ZBTB41: variants seen among roughly 807,000 people sequenced by gnomAD.
ZBTB41 encodes the protein zinc finger and BTB domain-containing protein 41.
Under a neutral mutation model 87.6 loss-of-function variants are expected in ZBTB41, and 42 were observed. The ratio of observed to expected loss-of-function variants is 0.48; its 90% CI spans 0.37 to 0.62. The LOEUF (loss-of-function observed/expected upper bound fraction) is 0.62, where lower values mean the gene tolerates loss of function less well. ZBTB41 is among the 20% of genes least tolerant of loss of function. The pLI is 0.00. For missense variants in ZBTB41, 799 were observed against 1,078.9 expected, an observed-to-expected ratio of 0.74 and a Z score of 3.63; for synonymous variants, 364 against 364.0, an observed-to-expected ratio of 1.00 and a Z score of 0.00.
chr1:197,199,328 A>C lies in ZBTB41; in HGVS notation c.1120+26T>G. On this transcript the variant is annotated intron_variant, in intron 2 of 10. Coordinates refer to ENST00000367405, the MANE Select transcript of ZBTB41 (RefSeq NM_194314.3). ...ATCCAAGAAAAGTAAGTGATTAGAG[A>C]TAGAAAACCAGTTTTCTTTTCTTAC... 2.0e-6 allele frequency: 3 copies of C among 1,471,450 alleles called. No individual in the cohort carries two copies. In the South Asian group the frequency reaches 4.8e-5, roughly 23 times the overall value. The allele number at this position is 1,471,450 out of a possible 1,614,324, so 91.1% of individuals were successfully genotyped here.
rs762751486 is a variant in ZBTB41 at position 197,200,016 on chromosome 1, T to C, written c.458A>G (p.Tyr153Cys). 6.2e-7 allele frequency: 1 copy of C among 1,613,202 alleles called. No individual in the cohort carries two copies. The highest frequency in any genetic ancestry group is 8.5e-7 in the Non-Finnish European group (1 of 1,179,860). Residue 153 changes from tyrosine (Y) to cysteine (C), a missense_variant, in exon 2 of 11, where the codon TAT becomes TGT. By Grantham distance (194) the Tyr-to-Cys change is radical. Transcript: ENST00000367405. ...LYTSEFFVYK[Y>C]EIPLVLEAAK... ...AGCCTCTAAAACAAGAGGTATTTCA[T>C]ATTTGTACACAAAAAATTCTGATGT...
chr1:197,175,852 T>C (rs147801469), intron 8 of ZBTB41: 6 of 152,068 alleles, frequency 3.9e-5, no homozygotes, highest in South Asian at 2.1e-4. Context: ...ACCTATCTCA[T>C]TGAGATCATC....
intron 2 of ZBTB41, among the ~76,000 whole-genome samples, 163 bp from the exon 3 acceptor site, chr1:197,192,062 C>T (rs990115192): frequency 1.3e-5 from 2 of 151,930 alleles, no homozygotes; most frequent in Non-Finnish European, 2.9e-5. Flanking sequence ...CTCTGATAAA[C>T]CTAATGACTT....
At chr1:197,161,184 G>A (rs915414790) in intron 10 of ZBTB41, among the ~76,000 whole-genome samples, 1 of 152,024 alleles carries the variant, frequency 6.6e-6, no homozygotes, top group African/African-American at 2.4e-5. Flanking sequence ...GAACTATACG[G>A]TAATAAATTT....
intron 5 of ZBTB41, 146 bp downstream of exon 5, chr1:197,188,146 C>A (rs1372253700): frequency 3.7e-6 from 3 of 810,002 alleles, no homozygotes; most frequent in Non-Finnish European, 5.8e-6. Context: ...ATATCTATTC[C>A]TTCCTCTCAA....
chr1:197,194,919 G>C (rs757705126), intron 2 of ZBTB41, among the ~76,000 whole-genome samples: 3 of 152,130 alleles, frequency 2.0e-5, no homozygotes, highest in Non-Finnish European at 2.9e-5. Flanking sequence ...GATCTCTACA[G>C]ACTAGTGGGA....
chr1:197,194,541 T>C (rs1660113861), intron 2 of ZBTB41, among the ~76,000 whole-genome samples: 1 of 150,624 alleles, frequency 6.6e-6, no homozygotes, highest in Non-Finnish European at 1.5e-5. Flanking sequence ...AAATGGCAGT[T>C]ATATTAAAAA....
rs1218967967 is a variant in ZBTB41, at chr1:197,156,456, T to TA, written c.*2902dup. The TA allele has an allele frequency of 6.6e-6, 1 of 152,114 alleles. No individual in the cohort carries two copies. Among genetic ancestry groups the TA allele is most frequent in the Non-Finnish European group, 1.5e-5 (1 of 67,710 alleles). The allele number at this position is 152,114 out of a possible 1,614,324, so 9.4% of individuals were successfully genotyped here. A position where few individuals can be genotyped will look rare whatever the true frequency, so the allele number is the denominator to read the frequency against. On this transcript the variant is annotated 3_prime_UTR_variant, in exon 11 of 11. Transcript: ENST00000367405. ...AAAACAATAAATTATGCTCACAAAATAAAAAAATTCTGAATGAGGCTAAAC... is the reference window on the plus strand; with the variant it reads ...AAAACAATAAATTATGCTCACAAAATAAAAAAAATTCTGAATGAGGCTAAAC...
intron 2 of ZBTB41, among the ~76,000 whole-genome samples, chr1:197,196,202 C>T (rs1660157716): frequency 6.6e-6 from 1 of 152,100 alleles, no homozygotes; most frequent in Non-Finnish European, 1.5e-5. Flanking sequence ...TTTTAAAATT[C>T]TACGAAAGGA....
chr1:197,196,719 T>C (rs1660172261), intron 2 of ZBTB41, among the ~76,000 whole-genome samples: 1 of 152,194 alleles, frequency 6.6e-6, no homozygotes, highest in Non-Finnish European at 1.5e-5. Flanking sequence ...TGACCACCAC[T>C]TTCTTGCCCA....
Position 197,154,939 on chromosome 1 carries a change from A to T in ZBTB41, c.*4420T>A, listed in dbSNP as rs1357416935. ...AAATACAACCTTCTTTAAAGTCCTA[A>T]TTTTTCCTGAGTTGATCAACTCATT... On this transcript the variant is annotated 3_prime_UTR_variant, in exon 11 of 11. Transcript: ENST00000367405. 6.6e-6 allele frequency: 1 copy of T among 152,294 alleles called. No individual in the cohort carries two copies. Among genetic ancestry groups the T allele is most frequent in the Non-Finnish European group, 1.5e-5 (1 of 67,844 alleles). 9.4% of individuals were successfully genotyped at this position (152,294 alleles called of 1,614,324 possible). A position where few individuals can be genotyped will look rare whatever the true frequency, so the allele number is the denominator to read the frequency against.
At chr1:197,178,156 T>C (rs1659657380) in intron 7 of ZBTB41, among the ~76,000 whole-genome samples, 1 of 151,898 alleles carries the variant, frequency 6.6e-6, no homozygotes, top group Admixed American at 6.6e-5. Context: ...AGAAAAGTAA[T>C]GAAATAAATA....
rs1322284724 is a variant in ZBTB41, at chr1:197,200,678, AT to A, written c.-117-89del. The A allele has an allele frequency of 3.0e-5, 14 of 473,806 alleles. No individual in the cohort carries two copies. The East Asian group carries it at 4.5e-4, about 15-fold the overall frequency. 29.4% of individuals were successfully genotyped at this position (473,806 alleles called of 1,614,324 possible). A position where few individuals can be genotyped will look rare whatever the true frequency, so the allele number is the denominator to read the frequency against. Reference sequence around the variant, plus strand: ...GGCAATCATCAACGAATTCTTTCTAATTATAACTGAATGATGATAAAATCAC... The same window carrying A: ...GGCAATCATCAACGAATTCTTTCTAATATAACTGAATGATGATAAAATCAC... On this transcript the variant is annotated intron_variant, in intron 1 of 10. Transcript: ENST00000367405.
intron 3 of ZBTB41, among the ~76,000 whole-genome samples, chr1:197,191,472 A>T (rs943735491): frequency 6.6e-6 from 1 of 151,568 alleles, no homozygotes; most frequent in Non-Finnish European, 1.5e-5. Context: ...AAAAAAAAAA[A>T]AAAAAAGAGA....
intron 10 of ZBTB41, among the ~76,000 whole-genome samples, chr1:197,166,851 A>C (rs2125125143): frequency 6.6e-6 from 1 of 151,982 alleles, no homozygotes; most frequent in Non-Finnish European, 1.5e-5. Flanking sequence ...GGTCTCAAAA[A>C]CAACAACAAC....
intron 5 of ZBTB41, among the ~76,000 whole-genome samples, chr1:197,186,407 G>A (rs1183484385): frequency 6.6e-6 from 1 of 152,110 alleles, no homozygotes; most frequent in Non-Finnish European, 1.5e-5. Context: ...AAGAAACAAT[G>A]GATAAATTGG....
At chr1:197,173,009 C>T (rs183368913) in intron 9 of ZBTB41, among the ~76,000 whole-genome samples, 297 of 152,130 alleles carry the variant, frequency 2.0e-3, no homozygotes, top group African/African-American at 6.9e-3. Context: ...AGCACCACAG[C>T]ATAGTGCCTA....
chr1:197,195,131 T>C lies in ZBTB41; in HGVS notation c.1121-3232A>G, dbSNP rs1282761601. Among the ~76,000 whole-genome samples the C allele has an allele frequency of 3.9e-5, 6 of 152,358 alleles. No individual in the cohort carries two copies. The South Asian group carries it at 6.2e-4, about 16-fold the overall frequency. ...AATCAAAATGTTCACTTAAAACTTA[T>C]CAAAGTTTCAATTTCAAAAACAGTA... On this transcript the variant is annotated intron_variant, in intron 2 of 10. Coordinates refer to ENST00000367405, the MANE Select transcript of ZBTB41 (RefSeq NM_194314.3).
intron 7 of ZBTB41, 52 bp downstream of exon 7, chr1:197,178,365 T>C: frequency 8.2e-7 from 1 of 1,220,978 alleles, no homozygotes; most frequent in Non-Finnish European, 1.2e-6. Context: ...AGAACTAAAA[T>C]AGAGATATAA....
Sources: allele counts gnomAD v4.1 joint callset (sites outside exome capture counted in the v4.1 genomes callset), GRCh38; gene constraint gnomAD v4.1.1; transcripts MANE v1.5; gene names NCBI Gene and HGNC (gene_info 2026-07-23, HGNC 2026-07-21).